ENTPD7: variants seen among roughly 807,000 people sequenced by gnomAD.
The protein encoded by ENTPD7 is NTPDase 7.
A neutral mutation model predicts 77.9 loss-of-function variants in ENTPD7; 53 were observed. That is an observed-to-expected ratio of 0.68 (90% CI 0.55 to 0.85). ENTPD7 has a LOEUF of 0.85. Ranked by LOEUF, ENTPD7 falls within the 40% of genes least tolerant of loss-of-function variation. The probability of loss-of-function intolerance (pLI) is 0.00; values close to 1 mark genes in which losing one functional copy is unlikely to be tolerated. For missense variants in ENTPD7, 636 were observed against 743.7 expected (o/e 0.86, Z 1.68); for synonymous variants, 248 against 274.9 (o/e 0.90, Z 0.97).
chr10:99,691,779 A>G (rs184757665), intron 8 of ENTPD7, among the ~76,000 whole-genome samples: 51 of 152,380 alleles, frequency 3.3e-4, no homozygotes, highest in Non-Finnish European at 2.9e-5. Context: ...ACTGTCCAGC[A>G]TAAGTGTTCA....
intron 5 of ENTPD7, among the ~76,000 whole-genome samples, chr10:99,684,533 T>C (rs534471189): frequency 6.6e-6 from 1 of 152,326 alleles, no homozygotes; most frequent in East Asian, 1.9e-4. Context: ...TGTATAACAA[T>C]GAACTTTTTT....
Position 99,663,432 on chromosome 10 carries a change from TG to T in ENTPD7, c.191+1805del, listed in dbSNP as rs371180185. Among the ~76,000 whole-genome samples, 485 of 152,090 alleles carry T rather than the reference TG, an allele frequency of 3.2e-3. 3 individuals carry two copies. Among genetic ancestry groups the T allele is most frequent in the African/African-American group, 0.011 (463 of 41,500 alleles). On this transcript the variant is annotated intron_variant, in intron 3 of 12. Transcript: ENST00000370489. ...GGTTTTAAGCAATTTGATTGTGATG[TG>T]CTTTGATGTTGTTTTCTACATGATT...
rs1426420430 is a variant in ENTPD7, at chr10:99,679,776, C to T, written c.449C>T (p.Pro150Leu). The T allele has an allele frequency of 6.2e-7, 1 of 1,614,086 alleles. No homozygotes were observed. Among genetic ancestry groups the T allele is most frequent in the African/African-American group, 1.3e-5 (1 of 74,940 alleles). The change falls in exon 5 of 13, where the codon CCT (proline) becomes CTT (leucine). Residue 150 changes from proline (P) to leucine (L), a missense_variant. Transcript: ENST00000370489. ...TPEHASDYLR[P>L]LLSFAAAHVP... ...GAACATGCCAGTGATTACCTTCGTC[C>T]TCTGCTGAGCTTTGCTGCTGCTCAT...
At chr10:99,663,468 T>G (rs1010906990) in intron 3 of ENTPD7, among the ~76,000 whole-genome samples, 3 of 151,276 alleles carry the variant, frequency 2.0e-5, no homozygotes, top group African/African-American at 4.9e-5. Flanking sequence ...TTTATTTGTT[T>G]TTTTTTTTTT....
At chr10:99,675,383 A>G (rs1227717859) in intron 3 of ENTPD7, among the ~76,000 whole-genome samples, 2 of 152,098 alleles carry the variant, frequency 1.3e-5, no homozygotes, top group Admixed American at 6.6e-5. Context: ...GAAGATTTGC[A>G]TAACTCAGTG....
chr10:99,698,028 G>C (rs1243857014), intron 9 of ENTPD7: 1 of 163,516 alleles, frequency 6.1e-6, no homozygotes, highest in Non-Finnish European at 1.3e-5. Context: ...AGCTGGTGCT[G>C]TGCCTGTTCT....
At position 99,661,619 on chromosome 10, in the gene ENTPD7, A is replaced by G. The variant is rs777855779; in HGVS notation, c.182A>G (p.Gln61Arg). 1.6e-5 allele frequency: 26 copies of G among 1,606,516 alleles called. No homozygotes were observed. Among genetic ancestry groups the G allele is most frequent in the Non-Finnish European group, 2.2e-5 (26 of 1,177,362 alleles). Reference sequence around the variant, plus strand: ...AGTGCTTCATTACCACGAGATAGGCAATACGAAAGGTGAGTCAGCTTTAGA... The same window carrying G: ...AGTGCTTCATTACCACGAGATAGGCGATACGAAAGGTGAGTCAGCTTTAGA... ...HWSASLPRDR[Q>R]YERYLARVGE... The change falls in exon 3 of 13, where the codon CAA (glutamine) becomes CGA (arginine). Residue 61 changes from glutamine to arginine, a missense_variant. Physicochemically the swap from Gln to Arg is conservative, Grantham distance 43 (BLOSUM62 1). Transcript: ENST00000370489.
intron 3 of ENTPD7, among the ~76,000 whole-genome samples, chr10:99,667,929 C>CTTTTTTTTT (rs61543336): frequency 1.3e-4 from 11 of 85,546 alleles, no homozygotes; most frequent in East Asian, 7.8e-4. Context: ...AAATGATAAT[C>CTTTTTTTTT]TTTTTTTTTT....
chr10:99,665,069 G>A, intron 3 of ENTPD7, among the ~76,000 whole-genome samples: 1 of 151,904 alleles, frequency 6.6e-6, no homozygotes, highest in East Asian at 2.0e-4. Flanking sequence ...TGTGCAACAT[G>A]GTGAAACTCT....
At chr10:99,669,201 CAAAT>C (rs2035588356) in intron 3 of ENTPD7, among the ~76,000 whole-genome samples, 2 of 151,952 alleles carry the variant, frequency 1.3e-5, no homozygotes, top group Non-Finnish European at 2.9e-5. Flanking sequence ...ATGGTCTTGA[CAAAT>C]AAGGCATTGC....
chr10:99,704,197 C>G (rs565633513), intron 12 of ENTPD7, among the ~76,000 whole-genome samples: 1 of 152,160 alleles, frequency 6.6e-6, no homozygotes, highest in Non-Finnish European at 1.5e-5. Context: ...ATTTCAAAGG[C>G]CTTCCCATCT....
rs574426585 is a variant in ENTPD7 at position 99,670,305 on chromosome 10, T to G, written c.191+8677T>G. On this transcript the variant is annotated intron_variant, in intron 3 of 12. Transcript: ENST00000370489. ...CTTGGACTGGGCACATTTCAAATGC[T>G]CAGTGGCCACATGTGGATATATGGG... Among the ~76,000 whole-genome samples the G allele has an allele frequency of 1.1e-4, 17 of 152,308 alleles. No individual in the cohort carries two copies. The South Asian group carries it at 3.5e-3, about 32-fold the overall frequency.
intron 3 of ENTPD7, among the ~76,000 whole-genome samples, chr10:99,672,454 C>T (rs1323845583): frequency 6.6e-6 from 1 of 151,912 alleles, no homozygotes; most frequent in Non-Finnish European, 1.5e-5. Flanking sequence ...CAAAGGCAAG[C>T]ACCACCACAC....
At chr10:99,666,140 G>GGCATT (rs2035547321) in intron 3 of ENTPD7, among the ~76,000 whole-genome samples, 2 of 152,126 alleles carry the variant, frequency 1.3e-5, no homozygotes, top group African/African-American at 4.8e-5. Flanking sequence ...AGAGGGTTTA[G>GGCATT]GCATTACCCT....
chr10:99,691,531 T>C lies in ENTPD7; in HGVS notation c.843+13T>C. 2 of 1,611,940 alleles carry C rather than the reference T, an allele frequency of 1.2e-6. No homozygotes were observed. The highest frequency in any genetic ancestry group is 1.7e-6 in the Non-Finnish European group (2 of 1,179,362). On this transcript the variant is annotated intron_variant, in intron 8 of 12. Transcript: ENST00000370489. ...TCCTGCAAAGCAGGTACTTTACCTT[T>C]TAGGGAAATTTAGTTGCTAGGAATG...
chr10:99,660,534 A>AG, intron 2 of ENTPD7: 1 of 232,906 alleles, frequency 4.3e-6, no homozygotes, highest in Non-Finnish European at 8.5e-6. Flanking sequence ...ACGCACACAC[A>AG]CACACACACA....
At position 99,688,694 on chromosome 10, in the gene ENTPD7, G is replaced by T. The variant is rs1310163276; in HGVS notation, c.653G>T (p.Gly218Val). 2 of 1,613,736 alleles carry T rather than the reference G, an allele frequency of 1.2e-6. No individual in the cohort carries two copies. The highest frequency in any genetic ancestry group is 1.7e-6 in the Non-Finnish European group (2 of 1,179,882). ...GAGGGCTTTTCTGTTTCTTACTTAG[G>T]GGTTTATGCATGGATTGGAATCAAC... ...QAEVISGKQE[G>V]VYAWIGINFV... The change falls in exon 7 of 13, where the codon GGG becomes GTG. Residue 218 changes from glycine to valine, a missense_variant and splice_region_variant. By Grantham distance (109) the Gly-to-Val change is moderately radical. Coordinates refer to ENST00000370489, the MANE Select transcript of ENTPD7 (RefSeq NM_020354.5).
chr10:99,677,680 T>G (rs1176288777), intron 3 of ENTPD7, among the ~76,000 whole-genome samples: 2 of 152,140 alleles, frequency 1.3e-5, no homozygotes, highest in African/African-American at 4.8e-5. Flanking sequence ...CTCAGAAGTA[T>G]TTTAATCAAC....
chr10:99,664,670 C>T (rs754870258), intron 3 of ENTPD7, among the ~76,000 whole-genome samples: 7 of 150,760 alleles, frequency 4.6e-5, no homozygotes, highest in Admixed American at 6.6e-5. Flanking sequence ...AGGATGGTCT[C>T]GATCTCCTGA....
Sources: gnomAD v4.1 joint callset for allele counts (sites outside exome capture counted in the v4.1 genomes callset) on GRCh38, gnomAD v4.1.1 for gene constraint, MANE v1.5 for transcripts, NCBI Gene and HGNC (gene_info 2026-07-23, HGNC 2026-07-21) for gene names.